Variants in MOXD1 observed in about 807,000 individuals in gnomAD.
The protein encoded by MOXD1 is DBH-like monooxygenase protein 1.
Under a neutral mutation model 66.6 loss-of-function variants are expected in MOXD1, and 62 were observed. The observed-to-expected ratio is 0.93, with a 90% confidence interval of 0.76 to 1.15. MOXD1 has a LOEUF of 1.15. Ranked by LOEUF, MOXD1 falls within the 50% of genes most tolerant of loss-of-function variation. The probability of loss-of-function intolerance (pLI) is 0.00; values close to 1 mark genes in which losing one functional copy is unlikely to be tolerated. For synonymous variants in MOXD1, 303 were observed against 281.9 expected, an observed-to-expected ratio of 1.07 and a Z score of -0.75; for missense variants, 847 against 754.6, an observed-to-expected ratio of 1.12 and a Z score of -1.44.
intron 4 of MOXD1, among the ~76,000 whole-genome samples, chr6:132,332,955 T>C (rs1339003374): frequency 6.6e-6 from 1 of 152,060 alleles, no homozygotes; most frequent in East Asian, 1.9e-4. Context: ...ATGTGCTGGG[T>C]AACTGTCCAC....
At chr6:132,377,688 T>G (rs1245828500) in intron 1 of MOXD1, among the ~76,000 whole-genome samples, 1 of 152,204 alleles carries the variant, frequency 6.6e-6, no homozygotes, top group Non-Finnish European at 1.5e-5. Context: ...GCCAATTATT[T>G]CAAAGTTCTG....
At chr6:132,396,456 T>C (rs1391966674) in intron 1 of MOXD1, among the ~76,000 whole-genome samples, 1 of 151,592 alleles carries the variant, frequency 6.6e-6, no homozygotes, top group Non-Finnish European at 1.5e-5. Context: ...AATGATCTAA[T>C]AATTCACCTA....
rs1776339704 is a variant in MOXD1 at position 132,374,653 on chromosome 6, T to TCC, written c.388_389insGG (p.Asp130GlyfsTer3). On this transcript the variant is annotated frameshift_variant, in exon 2 of 12. Coordinates refer to ENST00000367963, the MANE Select transcript of MOXD1 (RefSeq NM_015529.4). LOFTEE classifies it high-confidence loss of function. Reference sequence around the variant, plus strand: ...TACCGTTATACTCTTGTCATTTATGTCACATGTATGCAGCTCTCTGGTAAA... The same window carrying TCC: ...TACCGTTATACTCTTGTCATTTATGTCCCACATGTATGCAGCTCTCTGGTAAA... The TCC allele has an allele frequency of 1.2e-6, 2 of 1,613,954 alleles. No homozygotes were observed. Among genetic ancestry groups the TCC allele is most frequent in the Admixed American group, 1.7e-5 (1 of 60,030 alleles).
intron 1 of MOXD1, among the ~76,000 whole-genome samples, chr6:132,379,505 C>T (rs897820698): frequency 6.6e-6 from 1 of 152,140 alleles, no homozygotes; most frequent in African/African-American, 2.4e-5. Context: ...GATTGTCCAC[C>T]TTGAACAGTT....
chr6:132,330,591 G>T (rs67198650), intron 4 of MOXD1, among the ~76,000 whole-genome samples: 17,750 of 152,184 alleles, frequency 0.12, 1,304 homozygotes, highest in South Asian at 0.22. Flanking sequence ...TTGTTCAGCT[G>T]ATAAAGTAGC....
At chr6:132,315,872 A>T (rs1774939488) in intron 9 of MOXD1, 95 bp from the exon 10 acceptor site, 6 of 1,287,110 alleles carry the variant, frequency 4.7e-6, no homozygotes, top group Non-Finnish European at 6.5e-6. Context: ...TCCTTCCAAT[A>T]TTAAAATTTA....
At chr6:132,380,525 A>G (rs1562298194) in intron 1 of MOXD1, among the ~76,000 whole-genome samples, 1 of 152,082 alleles carries the variant, frequency 6.6e-6, no homozygotes, top group Non-Finnish European at 1.5e-5. Context: ...TCCCCTATGA[A>G]GTTTTCTTTG....
At chr6:132,377,924 T>C (rs1454967078) in intron 1 of MOXD1, among the ~76,000 whole-genome samples, 2 of 152,084 alleles carry the variant, frequency 1.3e-5, no homozygotes, top group African/African-American at 4.8e-5. Context: ...GGTTAGGAGT[T>C]TGAGACCAGC....
At chr6:132,305,648 T>C (rs1339065279) in intron 10 of MOXD1, among the ~76,000 whole-genome samples, 1 of 151,894 alleles carries the variant, frequency 6.6e-6, no homozygotes, top group African/African-American at 2.4e-5. Flanking sequence ...GAAGAAGGAG[T>C]AGGCACTCAT....
chr6:132,388,110 CA>C (rs1776688825), intron 1 of MOXD1, among the ~76,000 whole-genome samples: 1 of 151,366 alleles, frequency 6.6e-6, no homozygotes, highest in South Asian at 2.1e-4. Context: ...CCCCTAAGTT[CA>C]AAAGCTGGAA....
intron 4 of MOXD1, among the ~76,000 whole-genome samples, chr6:132,355,316 G>A (rs1775890136): frequency 1.3e-5 from 2 of 152,110 alleles, no homozygotes; most frequent in South Asian, 4.1e-4. Flanking sequence ...TGAGCTCCCA[G>A]GTCCTTTCCC....
intron 4 of MOXD1, among the ~76,000 whole-genome samples, chr6:132,339,492 G>T (rs1159630432): frequency 2.0e-5 from 3 of 152,180 alleles, no homozygotes; most frequent in African/African-American, 7.2e-5. Flanking sequence ...TCAAATTCTA[G>T]AACAGTAGAG....
rs1335885955 is a variant in MOXD1, at chr6:132,349,367, ATATATATATACATG to A, written c.664-20787_664-20774del. Among the ~76,000 whole-genome samples, 4 of 137,934 alleles carry A rather than the reference ATATATATATACATG, an allele frequency of 2.9e-5. 1 individual carries two copies. The highest frequency in any genetic ancestry group is 5.4e-5 in the African/African-American group (2 of 36,798). The allele number at this position is 137,934 out of a possible 152,430, so 90.5% of individuals were successfully genotyped here. A position where few individuals can be genotyped will look rare whatever the true frequency, so the allele number is the denominator to read the frequency against. ...CATATATATAGATATATTCCATCATATATATATATACATGTATATATATATACACATATATATAC... is the reference window on the plus strand; with the variant it reads ...CATATATATAGATATATTCCATCATATATATATATATACACATATATATAC... On this transcript the variant is annotated intron_variant, in intron 4 of 11. Coordinates refer to ENST00000367963, the MANE Select transcript of MOXD1 (RefSeq NM_015529.4).
chr6:132,333,445 G>A (rs1266268729), intron 4 of MOXD1, among the ~76,000 whole-genome samples: 1 of 151,854 alleles, frequency 6.6e-6, no homozygotes, highest in African/African-American at 2.4e-5. Context: ...CACAATCACA[G>A]GGGGAATGCC....
intron 4 of MOXD1, among the ~76,000 whole-genome samples, chr6:132,360,402 T>C (rs901159372): frequency 4.6e-5 from 7 of 152,210 alleles, no homozygotes; most frequent in Non-Finnish European, 1.0e-4. Context: ...GACAGTTCTC[T>C]CAATAAATGT....
rs142389314 is a variant in MOXD1 at position 132,297,175 on chromosome 6, G to A, written c.1820C>T (p.Thr607Met). 4.0e-5 allele frequency: 65 copies of A among 1,613,396 alleles called. No individual in the cohort carries two copies. The highest frequency in any genetic ancestry group is 1.2e-4 in the South Asian group (11 of 91,050). ...TGATCACAAGCTCTTGGTGCTCAGC[G>A]TGCAGCTGAGTAGCAGAAGGCAAAC... ...LLVCLLLLSC[T>M]LSTKSL Residue 607 changes from threonine (T) to methionine (M), a missense_variant, in exon 12 of 12, where the codon ACG becomes ATG. Thr to Met is a moderately conservative substitution (Grantham distance 81, BLOSUM62 -1). Coordinates refer to ENST00000367963, the MANE Select transcript of MOXD1 (RefSeq NM_015529.4).
intron 1 of MOXD1, among the ~76,000 whole-genome samples, chr6:132,398,665 C>T (rs375736235): frequency 9.9e-5 from 15 of 152,138 alleles, no homozygotes; most frequent in African/African-American, 2.4e-4. Context: ...TATGGCCTGG[C>T]GTGGTGGCTC....
Position 132,320,666 on chromosome 6 carries a change from C to T in MOXD1, c.1328G>A (p.Cys443Tyr). 1 of 1,610,868 alleles carries T rather than the reference C, an allele frequency of 6.2e-7. No individual in the cohort carries two copies. Residue 443 changes from cysteine to tyrosine, a missense_variant, in exon 9 of 12, where the codon TGT becomes TAT. Coordinates refer to ENST00000367963, the MANE Select transcript of MOXD1 (RefSeq NM_015529.4). ...ILPGDNLITE[C>Y]RYNTKDRAEM... ...AGCTCTATCTTTCGTGTTGTAGCGACACTCAGTAATTAGGTTATCTCCCTG... is the reference window on the plus strand; with the variant it reads ...AGCTCTATCTTTCGTGTTGTAGCGATACTCAGTAATTAGGTTATCTCCCTG...
intron 4 of MOXD1, among the ~76,000 whole-genome samples, chr6:132,330,370 A>G (rs1052489926): frequency 1.3e-5 from 2 of 152,206 alleles, no homozygotes; most frequent in Non-Finnish European, 2.9e-5. Context: ...CTAACTGTGC[A>G]TGTGAGAGAT....
Sources: allele counts gnomAD v4.1 joint callset (sites outside exome capture counted in the v4.1 genomes callset), GRCh38; gene constraint gnomAD v4.1.1; transcripts MANE v1.5; gene names NCBI Gene and HGNC (gene_info 2026-07-23, HGNC 2026-07-21).